Variants in ANKRD30BL observed in about 807,000 individuals in gnomAD.
ANKRD30BL encodes the protein putative ankyrin repeat domain-containing protein 30B-like.
ANKRD30BL carries 20 observed loss-of-function variants against 18.4 expected under a neutral mutation model. The observed-to-expected ratio is 1.09, with a 90% CI of 0.77 to 1.58. The LOEUF (loss-of-function observed/expected upper bound fraction) is 1.58, where lower values mean the gene tolerates loss of function less well. Ranked by LOEUF, ANKRD30BL falls within the 40% of genes most tolerant of loss-of-function variation. The pLI, the probability that ANKRD30BL is intolerant of heterozygous loss-of-function variation, is 0.00. For missense variants in ANKRD30BL, 224 were observed against 268.6 expected (o/e 0.83, Z 1.16); for synonymous variants, 72 against 100.9 (o/e 0.71, Z 1.72).
intron 1 of ANKRD30BL, among the ~76,000 whole-genome samples, chr2:132,234,575 T>C (rs1163813037): frequency 1.3e-5 from 2 of 152,092 alleles, no homozygotes; most frequent in East Asian, 1.9e-4. Context: ...GCAAATAAAC[T>C]AGAAAATCCA....
chr2:132,204,182 CAGA>C, intron 1 of ANKRD30BL, among the ~76,000 whole-genome samples: 1 of 150,268 alleles, frequency 6.7e-6, no homozygotes, highest in Non-Finnish European at 1.5e-5. Context: ...GCAGACAGAA[CAGA>C]AGGAGTAAAA....
At chr2:132,233,963 G>T (rs1363046949) in intron 1 of ANKRD30BL, among the ~76,000 whole-genome samples, 1 of 152,028 alleles carries the variant, frequency 6.6e-6, no homozygotes, top group Non-Finnish European at 1.5e-5. Flanking sequence ...AAATGTAAAA[G>T]AACAGAAATT....
At chr2:132,170,530 C>A (rs1253787391) in intron 1 of ANKRD30BL, among the ~76,000 whole-genome samples, 1 of 152,196 alleles carries the variant, frequency 6.6e-6, no homozygotes, top group African/African-American at 2.4e-5. Flanking sequence ...CTTGCTGTCT[C>A]ATTATTTGCA....
intron 1 of ANKRD30BL, among the ~76,000 whole-genome samples, chr2:132,211,987 T>C (rs1679369816): frequency 6.6e-6 from 1 of 152,016 alleles, no homozygotes; most frequent in African/African-American, 2.4e-5. Flanking sequence ...TCAAACATGC[T>C]TTAGATTGAG....
intron 1 of ANKRD30BL, among the ~76,000 whole-genome samples, chr2:132,222,905 G>A (rs1422102717): frequency 1.4e-5 from 2 of 145,054 alleles, no homozygotes; most frequent in Non-Finnish European, 3.0e-5. Context: ...AACTTTTGGA[G>A]CACTTTGAGG....
chr2:132,153,157 A>T (rs7606716), intron 4 of ANKRD30BL, among the ~76,000 whole-genome samples: 2 of 151,894 alleles, frequency 1.3e-5, no homozygotes, highest in African/African-American at 4.8e-5. Flanking sequence ...TTCTGCCCCC[A>T]CCGCCAATCC....
chr2:132,157,488 T>C (rs1162763026), intron 1 of ANKRD30BL, 65 bp from the exon 2 acceptor site: 12 of 498,512 alleles, frequency 2.4e-5, no homozygotes, highest in Non-Finnish European at 4.0e-5. Flanking sequence ...GAATGATTTA[T>C]GTAATTGTCA....
intron 1 of ANKRD30BL, among the ~76,000 whole-genome samples, chr2:132,201,604 A>G (rs1679099843): frequency 6.6e-6 from 1 of 152,194 alleles, no homozygotes; most frequent in Non-Finnish European, 1.5e-5. Context: ...ACCTTCTCAC[A>G]CCAGTTAGAA....
At chr2:132,153,493 T>C in intron 4 of ANKRD30BL, 1 of 467,854 alleles carries the variant, frequency 2.1e-6, no homozygotes, top group Admixed American at 2.4e-5. Flanking sequence ...TAACTCACTG[T>C]CATTCAAAAA....
chr2:132,233,952 C>T (rs1166948704), intron 1 of ANKRD30BL, among the ~76,000 whole-genome samples: 1 of 152,208 alleles, frequency 6.6e-6, no homozygotes, highest in Non-Finnish European at 1.5e-5. Context: ...CTCTCCTCAG[C>T]AAATGTAAAA....
chr2:132,162,751 G>C (rs1333484371), upstream of ANKRD30BL, among the ~76,000 whole-genome samples: 2 of 152,398 alleles, frequency 1.3e-5, no homozygotes, highest in East Asian at 3.9e-4. Context: ...TCTAGGCCCT[G>C]CTCTTCCTTG....
chr2:132,190,770 T>G (rs972635834), intron 1 of ANKRD30BL, among the ~76,000 whole-genome samples: 1 of 152,146 alleles, frequency 6.6e-6, no homozygotes, highest in Non-Finnish European at 1.5e-5. Context: ...ATGCAGCGAA[T>G]TATGATAAGC....
intron 1 of ANKRD30BL, among the ~76,000 whole-genome samples, chr2:132,220,316 C>G (rs1329312382): frequency 8.4e-6 from 1 of 118,438 alleles, no homozygotes; most frequent in Non-Finnish European, 1.7e-5. Flanking sequence ...CTCTCCCTCT[C>G]CCTCTCCCTG....
intron 1 of ANKRD30BL, among the ~76,000 whole-genome samples, chr2:132,218,850 C>T (rs377687565): frequency 3.3e-5 from 5 of 151,970 alleles, no homozygotes; most frequent in South Asian, 4.2e-4. Flanking sequence ...CTTTGTGATG[C>T]GTACATTCAA....
chr2:132,194,196 C>T (rs1046003219), intron 1 of ANKRD30BL, among the ~76,000 whole-genome samples: 1 of 152,158 alleles, frequency 6.6e-6, no homozygotes, highest in Non-Finnish European at 1.5e-5. Context: ...TAGAGTTGGT[C>T]TCATTAACCT....
intron 1 of ANKRD30BL, among the ~76,000 whole-genome samples, chr2:132,227,197 G>A (rs1461752267): frequency 6.6e-6 from 1 of 151,990 alleles, no homozygotes; most frequent in Non-Finnish European, 1.5e-5. Flanking sequence ...CGTTGGAAAC[G>A]GGAATATCTT....
At chr2:132,216,571 A>G (rs1298405729) in intron 1 of ANKRD30BL, among the ~76,000 whole-genome samples, 1 of 152,152 alleles carries the variant, frequency 6.6e-6, no homozygotes, top group Non-Finnish European at 1.5e-5. Flanking sequence ...CTTCTTCGTG[A>G]TGTGTGCAGT....
At position 132,235,829 on chromosome 2, in the gene ANKRD30BL, A is replaced by G. The variant is rs189314149; in HGVS notation, n.441+21700T>C. 7.6e-3 allele frequency among the ~76,000 whole-genome samples: 1,159 copies of G among 152,276 alleles called. 15 individuals carry two copies. Among genetic ancestry groups the G allele is most frequent in the African/African-American group, 0.026 (1,083 of 41,558 alleles). ...CCAATGCCTTTCTTCACACAATTGG[A>G]AAAATCTACTTTAAAGTTCATATGG... On this transcript the variant is annotated intron_variant and non_coding_transcript_variant, in intron 1 of 4. Transcript: ENST00000470729.
Position 132,148,226 on chromosome 2 carries a change from C to A in ANKRD30BL, c.682G>T (p.Gly228Ter). ...TCATCAGGTGTTCCTTCAGATGTTC[C>A]TTCTGCCAAACACAGAGTCTGGTTA... Reference protein sequence around the residue: ...SKNSQNSNPEGTSEGTPDEAA... With the variant: ...SKNSQNSNPE The change falls in exon 6 of 6, where the codon GGA becomes TGA. Residue 228 changes from glycine to a stop codon, truncating the protein, a stop_gained and splice_region_variant. Coordinates refer to ENST00000409867, the MANE Select transcript of ANKRD30BL (RefSeq NM_001358416.1). LOFTEE classifies it high-confidence loss of function. The A allele has an allele frequency of 6.2e-7, 1 of 1,603,408 alleles. No individual in the cohort carries two copies. Among genetic ancestry groups the A allele is most frequent in the Non-Finnish European group, 8.5e-7 (1 of 1,175,672 alleles).
Sources: allele counts gnomAD v4.1 joint callset (sites outside exome capture counted in the v4.1 genomes callset), GRCh38; gene constraint gnomAD v4.1.1; transcripts MANE v1.5; gene names NCBI Gene and HGNC (gene_info 2026-07-23, HGNC 2026-07-21).